Variants in ANKFN1 observed in about 807,000 individuals in gnomAD.
ANKFN1 encodes ankyrin repeat and fibronectin type III domain containing 1.
A neutral mutation model predicts 108.7 loss-of-function variants in ANKFN1; 74 were observed. That is an observed-to-expected ratio of 0.68 (90% CI 0.56 to 0.83). ANKFN1 has a LOEUF of 0.83. Ranked by LOEUF, ANKFN1 falls within the 40% of genes least tolerant of loss-of-function variation. The pLI is 0.00. For missense variants in ANKFN1, 1,505 were observed against 1,382.3 expected (o/e 1.09, Z -1.41); for synonymous variants, 547 against 516.2 (o/e 1.06, Z -0.81).
chr17:56,403,935 C>A (rs966862312), intron 8 of ANKFN1, among the ~76,000 whole-genome samples: 8 of 152,032 alleles, frequency 5.3e-5, no homozygotes, highest in African/African-American at 1.7e-4. Flanking sequence ...CTTAGTTTTG[C>A]TGGATACAAA....
At chr17:56,170,801 T>TACACACGCACACACACAC (rs1224594065) in intron 1 of ANKFN1, among the ~76,000 whole-genome samples, 1 of 64,206 alleles carries the variant, frequency 1.6e-5, no homozygotes, top group Non-Finnish European at 3.5e-5. Flanking sequence ...TATATATATA[T>TACACACGCACACACACAC]ATATATACAC....
chr17:56,237,591 G>A (rs977868573), intron 3 of ANKFN1, among the ~76,000 whole-genome samples: 2 of 152,114 alleles, frequency 1.3e-5, no homozygotes, highest in South Asian at 2.1e-4. Context: ...GGTAGTTTCC[G>A]ATAGTTATTT....
chr17:56,061,981 A>T (rs138788473), intron 4 of ANKFN1, among the ~76,000 whole-genome samples: 2 of 152,186 alleles, frequency 1.3e-5, no homozygotes, highest in East Asian at 3.9e-4. Flanking sequence ...CCTTCATTTC[A>T]TTATTTACCC....
In ANKFN1 at chr17:56,194,217, G is replaced by A. The variant is rs1913280517; in HGVS notation, c.-70-18381G>A. ...AAGACAGTTTGGTGATTTCTTACAA[G>A]ACCGAACATACTTTTGCTGTACTAC... On this transcript the variant is annotated intron_variant, in intron 1 of 20. Coordinates refer to ENST00000682825, the MANE Select transcript of ANKFN1 (RefSeq NM_001370326.1). 2.0e-5 allele frequency among the ~76,000 whole-genome samples: 3 copies of A among 152,178 alleles called. No individual in the cohort carries two copies. In the South Asian group the frequency reaches 6.2e-4, roughly 32 times the overall value.
chr17:56,382,180 A>G lies in ANKFN1; in HGVS notation c.910+7466A>G, dbSNP rs536057922. On this transcript the variant is annotated intron_variant, in intron 8 of 20. Transcript: ENST00000682825. The stretch of plus-strand genomic sequence containing the variant: ...AAGAGAATGGGGGCCAATATTCAAC[A>G]TTCTTAAAGAAAAGAATTTTCAAGC... Among the ~76,000 whole-genome samples the G allele has an allele frequency of 1.6e-4, 25 of 152,356 alleles. No individual in the cohort carries two copies. The East Asian group carries it at 3.7e-3, about 22-fold the overall frequency.
At chr17:56,198,098 G>A (rs1266418679) in intron 1 of ANKFN1, among the ~76,000 whole-genome samples, 1 of 152,266 alleles carries the variant, frequency 6.6e-6, no homozygotes, top group Admixed American at 6.5e-5. Context: ...GATGATCTGA[G>A]GTGAAGCAGT....
chr17:56,051,654 G>A (rs1904777502), intron 4 of ANKFN1, among the ~76,000 whole-genome samples: 1 of 135,312 alleles, frequency 7.4e-6, no homozygotes, highest in Non-Finnish European at 1.6e-5. Flanking sequence ...TGACATGACT[G>A]TATATCTAGA....
At chr17:56,170,899 A>G (rs549565514) in intron 1 of ANKFN1, among the ~76,000 whole-genome samples, 7 of 148,902 alleles carry the variant, frequency 4.7e-5, no homozygotes, top group South Asian at 4.3e-4. Flanking sequence ...CCTTACTACC[A>G]CCGCCATACA....
chr17:56,404,214 G>A (rs901298870), intron 8 of ANKFN1, among the ~76,000 whole-genome samples: 2 of 152,134 alleles, frequency 1.3e-5, no homozygotes, highest in Non-Finnish European at 2.9e-5. Context: ...TAGGTCACTA[G>A]CAAGGCTGGG....
Position 56,292,876 on chromosome 17 carries a change from A to G in ANKFN1, c.54-33345A>G, listed in dbSNP as rs186123978. 2.4e-3 allele frequency among the ~76,000 whole-genome samples: 369 copies of G among 152,352 alleles called. 1 individual carries two copies. Among genetic ancestry groups the G allele is most frequent in the African/African-American group, 8.3e-3 (346 of 41,590 alleles). ...GCAACCATAGCCCTACTAAACAGTC[A>G]TACTTTGCTCACCTGCCCATTATAA... On this transcript the variant is annotated intron_variant, in intron 3 of 20. Transcript: ENST00000682825.
chr17:56,214,353 AG>A (rs1344538615), intron 2 of ANKFN1, among the ~76,000 whole-genome samples: 1 of 152,214 alleles, frequency 6.6e-6, no homozygotes, highest in Non-Finnish European at 1.5e-5. Flanking sequence ...CATCAAGAAA[AG>A]CTTCGCAGAG....
At chr17:56,088,775 C>T (rs560525826) in intron 4 of ANKFN1, among the ~76,000 whole-genome samples, 92 of 151,412 alleles carry the variant, frequency 6.1e-4, no homozygotes, top group African/African-American at 2.2e-3. Context: ...TTTGTCCTCC[C>T]TTGTGCTCTC....
intron 8 of ANKFN1, among the ~76,000 whole-genome samples, chr17:56,439,014 C>T (rs952309549): frequency 5.9e-5 from 9 of 152,074 alleles, no homozygotes; most frequent in African/African-American, 2.2e-4. Context: ...GGAATGGTTG[C>T]ACAAAGTAAG....
At chr17:56,166,009 C>T (rs1284984062) in intron 1 of ANKFN1, among the ~76,000 whole-genome samples, 1 of 152,196 alleles carries the variant, frequency 6.6e-6, no homozygotes, top group Non-Finnish European at 1.5e-5. Context: ...CTCTCACCAT[C>T]ATTTCAATGC....
intron 9 of ANKFN1, among the ~76,000 whole-genome samples, 160 bp downstream of exon 9, chr17:56,440,584 T>C (rs1357177260): frequency 1.3e-5 from 2 of 152,208 alleles, no homozygotes; most frequent in African/African-American, 4.8e-5. Flanking sequence ...AATCTGAATT[T>C]CACAAAGGAG....
intron 14 of ANKFN1, among the ~76,000 whole-genome samples, chr17:56,461,258 C>A (rs1303051562): frequency 6.6e-6 from 1 of 152,144 alleles, no homozygotes; most frequent in Non-Finnish European, 1.5e-5. Flanking sequence ...TTTTGAAATT[C>A]TGTGTTCTCT....
At chr17:56,501,674 C>G (rs912417743) in intron 20 of ANKFN1, among the ~76,000 whole-genome samples, 1 of 152,072 alleles carries the variant, frequency 6.6e-6, no homozygotes, top group Admixed American at 6.5e-5. Flanking sequence ...ATGTTTGAAG[C>G]TAGGAAAATG....
chr17:56,280,431 C>T (rs79978947), intron 3 of ANKFN1, among the ~76,000 whole-genome samples: 2 of 152,148 alleles, frequency 1.3e-5, no homozygotes, highest in South Asian at 2.1e-4. Flanking sequence ...GGGCCTTCCA[C>T]CTCCAGGATT....
At chr17:56,213,850 A>T (rs1184079957) in intron 2 of ANKFN1, among the ~76,000 whole-genome samples, 1 of 152,222 alleles carries the variant, frequency 6.6e-6, no homozygotes, top group Non-Finnish European at 1.5e-5. Flanking sequence ...TCACTTAAAC[A>T]TTTCATATGT....
Sources: allele counts gnomAD v4.1 joint callset (sites outside exome capture counted in the v4.1 genomes callset), GRCh38; gene constraint gnomAD v4.1.1; transcripts MANE v1.5; gene names NCBI Gene and HGNC (gene_info 2026-07-23, HGNC 2026-07-21).